The following ASIC2 variants were observed in gnomAD, a reference collection of about 807,000 sequenced individuals.
ASIC2 encodes acid-sensing ion channel 2.
A neutral mutation model predicts 57.3 loss-of-function variants in ASIC2; 25 were observed. The observed-to-expected ratio is 0.44, with a 90% CI of 0.32 to 0.61. ASIC2 has a LOEUF of 0.61. Among genes scored for constraint, ASIC2 ranks in the 20% least tolerant of loss-of-function variants. The probability of loss-of-function intolerance (pLI) is 0.06; values close to 1 mark genes in which losing one functional copy is unlikely to be tolerated. For missense variants in ASIC2, 641 were observed against 738.1 expected (o/e 0.87, Z 1.52); for synonymous variants, 319 against 307.5 (o/e 1.04, Z -0.39).
intron 1 of ASIC2, among the ~76,000 whole-genome samples, chr17:33,676,688 C>T (rs1907832741): frequency 6.6e-6 from 1 of 152,234 alleles, no homozygotes; most frequent in Non-Finnish European, 1.5e-5. Flanking sequence ...AAGCCATCTC[C>T]ACAACATAAA....
At chr17:33,257,153 T>C (rs1909111619) in intron 1 of ASIC2, among the ~76,000 whole-genome samples, 2 of 152,240 alleles carry the variant, frequency 1.3e-5, no homozygotes, top group South Asian at 4.1e-4. Flanking sequence ...CCAGCCTATC[T>C]GCAGAAATCT....
At chr17:33,361,042 G>C (rs1908583205) in intron 1 of ASIC2, among the ~76,000 whole-genome samples, 1 of 152,194 alleles carries the variant, frequency 6.6e-6, no homozygotes, top group Non-Finnish European at 1.5e-5. Flanking sequence ...GTTTCTGCCT[G>C]TACAAGGAGA....
At chr17:33,270,092 A>T (rs1359348294) in intron 1 of ASIC2, among the ~76,000 whole-genome samples, 1 of 152,236 alleles carries the variant, frequency 6.6e-6, no homozygotes, top group Non-Finnish European at 1.5e-5. Context: ...TTTACTGTCT[A>T]CAATGAGCGA....
intron 1 of ASIC2, among the ~76,000 whole-genome samples, chr17:33,882,409 T>C (rs1441377646): frequency 6.6e-6 from 1 of 151,772 alleles, no homozygotes; most frequent in African/African-American, 2.4e-5. Flanking sequence ...CAAACAAATT[T>C]ACAAGAAAAA....
chr17:34,086,235 T>C, intron 1 of ASIC2, among the ~76,000 whole-genome samples: 2 of 151,210 alleles, frequency 1.3e-5, no homozygotes, highest in Non-Finnish European at 3.0e-5. Context: ...TCTGGTATGT[T>C]GTGTCTTTGT....
intron 1 of ASIC2, among the ~76,000 whole-genome samples, chr17:33,397,738 C>G (rs1910131494): frequency 6.6e-6 from 1 of 152,170 alleles, no homozygotes; most frequent in Non-Finnish European, 1.5e-5. Context: ...AAGGTCAGTG[C>G]AACAAGAAAG....
At chr17:33,747,076 T>A (rs1453241094) in intron 1 of ASIC2, among the ~76,000 whole-genome samples, 1 of 152,164 alleles carries the variant, frequency 6.6e-6, no homozygotes, top group African/African-American at 2.4e-5. Context: ...GTTCAGCCTG[T>A]CTTATAGGGT....
chr17:33,414,749 T>C (rs1362835266), intron 1 of ASIC2, among the ~76,000 whole-genome samples: 1 of 152,180 alleles, frequency 6.6e-6, no homozygotes, highest in African/African-American at 2.4e-5. Flanking sequence ...TAAATTTTAA[T>C]TTGGTTCTGT....
At chr17:33,966,017 A>G (rs944818789) in intron 1 of ASIC2, among the ~76,000 whole-genome samples, 1 of 152,202 alleles carries the variant, frequency 6.6e-6, no homozygotes, top group African/African-American at 2.4e-5. Context: ...GGCCTTCACT[A>G]TGCAGGCTCT....
At chr17:33,819,745 C>T (rs1912692989) in intron 1 of ASIC2, among the ~76,000 whole-genome samples, 1 of 152,186 alleles carries the variant, frequency 6.6e-6, no homozygotes, top group African/African-American at 2.4e-5. Context: ...TGCCACTTAC[C>T]TGCTGTGTGA....
chr17:33,130,041 G>A (rs537544299), intron 1 of ASIC2, among the ~76,000 whole-genome samples: 5 of 152,164 alleles, frequency 3.3e-5, no homozygotes, highest in East Asian at 3.9e-4. Context: ...TGTATAGCCC[G>A]TCACACACTG....
chr17:33,677,648 G>A (rs1907867151), intron 1 of ASIC2, among the ~76,000 whole-genome samples: 1 of 152,184 alleles, frequency 6.6e-6, no homozygotes, highest in Non-Finnish European at 1.5e-5. Flanking sequence ...AAGGCTTCAG[G>A]GGAGGAAGTC....
chr17:33,790,990 A>G (rs1911752763), intron 1 of ASIC2, among the ~76,000 whole-genome samples: 1 of 152,212 alleles, frequency 6.6e-6, no homozygotes, highest in Middle Eastern at 3.2e-3. Flanking sequence ...ATAGCCAGTC[A>G]GCCTCAGCCA....
chr17:34,134,534 G>A (rs539713258), intron 1 of ASIC2, among the ~76,000 whole-genome samples: 10 of 152,334 alleles, frequency 6.6e-5, no homozygotes, highest in Admixed American at 6.5e-5. Context: ...TGCAGCCATC[G>A]TAGAGATGAG....
At chr17:33,451,060 C>CTT (rs67646824) in intron 1 of ASIC2, among the ~76,000 whole-genome samples, 149 of 147,794 alleles carry the variant, frequency 1.0e-3, no homozygotes, top group African/African-American at 1.2e-3. Flanking sequence ...CGTACATGTA[C>CTT]TTTTTTTTTT....
chr17:33,403,279 A>C (rs547481058), intron 1 of ASIC2, among the ~76,000 whole-genome samples: 29 of 147,094 alleles, frequency 2.0e-4, no homozygotes, highest in African/African-American at 5.8e-4. Context: ...ATATTAATAG[A>C]ATTTGAAGAT....
chr17:34,155,801 T>C (rs1904697464), intron 1 of ASIC2: 2 of 677,824 alleles, frequency 3.0e-6, no homozygotes, highest in South Asian at 1.9e-5. Flanking sequence ...TCCTGGCCGG[T>C]AGCCTTCCCT....
chr17:33,541,564 C>T (rs1430426413), intron 1 of ASIC2, among the ~76,000 whole-genome samples: 4 of 152,176 alleles, frequency 2.6e-5, no homozygotes, highest in African/African-American at 2.4e-5. Context: ...TAGGGAGGCT[C>T]AACGGAAACT....
chr17:33,396,401 C>T (rs1384117896), intron 1 of ASIC2, among the ~76,000 whole-genome samples: 1 of 152,170 alleles, frequency 6.6e-6, no homozygotes, highest in Non-Finnish European at 1.5e-5. Context: ...ATACATAGGC[C>T]TGTTATCTCA....
Sources: gnomAD v4.1 joint callset for allele counts (sites outside exome capture counted in the v4.1 genomes callset) on GRCh38, gnomAD v4.1.1 for gene constraint, MANE v1.5 for transcripts, NCBI Gene and HGNC (gene_info 2026-07-23, HGNC 2026-07-21) for gene names.